The following ZBTB20 variants were observed in gnomAD, a reference collection of about 807,000 sequenced individuals.
ZBTB20 encodes the protein zinc finger and BTB domain containing 20.
ZBTB20 carries 9 observed loss-of-function variants against 56.9 expected under a neutral mutation model. The ratio of observed to expected loss-of-function variants is 0.16; its 90% CI spans 0.10 to 0.28. The LOEUF is 0.28. Ranked by LOEUF, ZBTB20 falls within the 10% of genes least tolerant of loss-of-function variation. The pLI, the probability that ZBTB20 is intolerant of heterozygous loss-of-function variation, is 1.00. For synonymous variants in ZBTB20, 417 were observed against 420.7 expected, an observed-to-expected ratio of 0.99 and a Z score of 0.11; for missense variants, 655 against 1,003.0, an observed-to-expected ratio of 0.65 and a Z score of 4.69.
chr3:115,071,997 G>A (rs759699934), intron 1 of ZBTB20, among the ~76,000 whole-genome samples: 6 of 152,076 alleles, frequency 3.9e-5, no homozygotes, highest in African/African-American at 1.4e-4. Flanking sequence ...GCAGCCAGCC[G>A]GACATTTTGA....
intron 2 of ZBTB20, among the ~76,000 whole-genome samples, chr3:115,067,775 T>G (rs1440855447): frequency 6.6e-6 from 1 of 152,136 alleles, no homozygotes; most frequent in Non-Finnish European, 1.5e-5. Context: ...CGTATCAACT[T>G]CATGTACCAT....
At chr3:114,899,793 C>A (rs1304377866) in intron 4 of ZBTB20, among the ~76,000 whole-genome samples, 1 of 152,150 alleles carries the variant, frequency 6.6e-6, no homozygotes, top group Admixed American at 6.6e-5. Context: ...GCCCAGGAAC[C>A]ACAACACTGC....
chr3:114,950,162 A>G (rs889618637), intron 3 of ZBTB20, among the ~76,000 whole-genome samples: 4 of 152,158 alleles, frequency 2.6e-5, no homozygotes, highest in African/African-American at 4.8e-5. Flanking sequence ...TCCATGGGGA[A>G]TACACTCCAC....
chr3:114,601,402 C>T lies in ZBTB20; in HGVS notation c.-295+92126G>A, dbSNP rs145709553. 9.4e-3 allele frequency among the ~76,000 whole-genome samples: 1,436 copies of T among 152,138 alleles called. 28 individuals carry two copies. Among genetic ancestry groups the T allele is most frequent in the African/African-American group, 0.031 (1,303 of 41,558 alleles). On this transcript the variant is annotated intron_variant, in intron 6 of 11. Transcript: ENST00000675478. ...TATTTAATATTTTGCTGTAAGCAGA[C>T]GATAGAATCTACTCAAAACTATCTC...
chr3:115,077,997 C>T (rs1226499663), intron 1 of ZBTB20, among the ~76,000 whole-genome samples: 5 of 152,198 alleles, frequency 3.3e-5, no homozygotes, highest in Admixed American at 6.5e-5. Context: ...ATAGGTACTA[C>T]TTTTAGCCTC....
intron 7 of ZBTB20, chr3:114,445,624 T>C (rs1004198526): frequency 3.3e-5 from 5 of 152,290 alleles, no homozygotes; most frequent in Admixed American, 1.3e-4. Flanking sequence ...TAAATATATA[T>C]CCAGTTAAGT....
intron 10 of ZBTB20, among the ~76,000 whole-genome samples, chr3:114,374,779 T>C (rs2083422983): frequency 6.6e-6 from 1 of 152,226 alleles, no homozygotes; most frequent in African/African-American, 2.4e-5. Flanking sequence ...GGGGCCAAAA[T>C]GTTTTTCATT....
intron 1 of ZBTB20, among the ~76,000 whole-genome samples, chr3:115,118,440 T>C (rs2084083412): frequency 6.6e-6 from 1 of 152,172 alleles, no homozygotes; most frequent in African/African-American, 2.4e-5. Context: ...TTATAAAATT[T>C]CTTCACATAA....
intron 6 of ZBTB20, among the ~76,000 whole-genome samples, chr3:114,585,037 C>T (rs1204275690): frequency 6.6e-6 from 1 of 152,038 alleles, no homozygotes; most frequent in Non-Finnish European, 1.5e-5. Flanking sequence ...GGGCAATAGG[C>T]AAGGCTTCTC....
At chr3:115,112,797 C>A (rs1326008591) in intron 1 of ZBTB20, among the ~76,000 whole-genome samples, 3 of 152,062 alleles carry the variant, frequency 2.0e-5, no homozygotes, top group Non-Finnish European at 2.9e-5. Context: ...ATACTGATTT[C>A]TTTTTGAGGG....
chr3:114,914,859 T>C (rs2075681204), intron 3 of ZBTB20, among the ~76,000 whole-genome samples: 1 of 151,932 alleles, frequency 6.6e-6, no homozygotes, highest in South Asian at 2.1e-4. Flanking sequence ...TCTGTTGATA[T>C]GTGGTATTAT....
chr3:114,652,505 TG>T (rs2060187195), intron 6 of ZBTB20, among the ~76,000 whole-genome samples: 1 of 152,064 alleles, frequency 6.6e-6, no homozygotes, highest in Admixed American at 6.5e-5. Context: ...CATTATTTTT[TG>T]GTAAATAACT....
intron 1 of ZBTB20, among the ~76,000 whole-genome samples, chr3:115,123,032 C>T (rs1156841620): frequency 6.6e-6 from 1 of 152,090 alleles, no homozygotes; most frequent in Non-Finnish European, 1.5e-5. Flanking sequence ...CTAATTATTG[C>T]TCTTTTTTTC....
chr3:114,714,615 C>CA (rs2064331031), intron 5 of ZBTB20, among the ~76,000 whole-genome samples: 1 of 151,822 alleles, frequency 6.6e-6, no homozygotes, highest in Non-Finnish European at 1.5e-5. Flanking sequence ...ATCTTCTTTT[C>CA]CATGTGTGCA....
chr3:114,518,471 G>T (rs947530559), intron 6 of ZBTB20: 1 of 152,164 alleles, frequency 6.6e-6, no homozygotes, highest in African/African-American at 2.4e-5. Context: ...ACTGAAAAAA[G>T]AATCTTCAAA....
At chr3:114,742,426 T>C (rs1254212581) in intron 5 of ZBTB20, among the ~76,000 whole-genome samples, 3 of 152,134 alleles carry the variant, frequency 2.0e-5, no homozygotes, top group African/African-American at 7.2e-5. Flanking sequence ...CCTCTTTTGC[T>C]TTACAGATAA....
chr3:114,382,965 A>C (rs2084569504), intron 8 of ZBTB20, among the ~76,000 whole-genome samples: 1 of 152,204 alleles, frequency 6.6e-6, no homozygotes. Flanking sequence ...CTATACTATT[A>C]AGCAATGTAG....
chr3:115,007,236 TTA>T (rs898943183), intron 2 of ZBTB20, among the ~76,000 whole-genome samples: 61 of 151,810 alleles, frequency 4.0e-4, no homozygotes, highest in Admixed American at 1.1e-3. Context: ...GAAATATCCT[TTA>T]TGACTTCAAC....
intron 4 of ZBTB20, among the ~76,000 whole-genome samples, chr3:114,829,393 T>C (rs2073719807): frequency 6.6e-6 from 1 of 151,884 alleles, no homozygotes; most frequent in African/African-American, 2.4e-5. Context: ...GGTCAATGTT[T>C]GCCAGCTGAT....
Sources: gnomAD v4.1 joint callset for allele counts (sites outside exome capture counted in the v4.1 genomes callset) on GRCh38, gnomAD v4.1.1 for gene constraint, MANE v1.5 for transcripts, NCBI Gene and HGNC (gene_info 2026-07-23, HGNC 2026-07-21) for gene names.